MTR: variants seen among roughly 807,000 people sequenced by gnomAD.
MTR encodes the protein methionine synthase.
In MTR, 84 loss-of-function variants were observed where a neutral mutation model predicts 154.8. The observed-to-expected ratio is 0.54, with a 90% confidence interval of 0.45 to 0.65. MTR has a LOEUF of 0.65. Among genes scored for constraint, MTR ranks in the 30% least tolerant of loss-of-function variants. The probability of loss-of-function intolerance (pLI) is 0.00; values close to 1 mark genes in which losing one functional copy is unlikely to be tolerated. For synonymous variants in MTR, 554 were observed against 553.9 expected (o/e 1.00, Z 0.00); for missense variants, 1,275 against 1,570.2 (o/e 0.81, Z 3.18).
chr1:236,886,210 T>C (rs1666001306), intron 26 of MTR, 82 bp from the exon 27 acceptor site: 2 of 1,108,810 alleles, frequency 1.8e-6, no homozygotes, highest in Non-Finnish European at 2.7e-6. Flanking sequence ...AAAGCTTACA[T>C]ACTGGCCTTC....
intron 16 of MTR, among the ~76,000 whole-genome samples, chr1:236,851,126 C>A (rs10925249): frequency 0.43 from 64,696 of 151,868 alleles, 13,964 homozygotes; most frequent in East Asian, 0.46. Context: ...TTATTTGTGA[C>A]CCCAAAATCA....
intron 22 of MTR, among the ~76,000 whole-genome samples, chr1:236,870,679 A>C (rs1307467000): frequency 6.6e-6 from 1 of 151,862 alleles, no homozygotes. Context: ...TCCACTGTGG[A>C]TCTCTCCCCC....
rs888964648 is a variant in MTR, at chr1:236,903,938, G to T, written c.*6294G>T. On this transcript the variant is annotated 3_prime_UTR_variant, in exon 33 of 33. Coordinates refer to ENST00000366577, the MANE Select transcript of MTR (RefSeq NM_000254.3). Reference sequence around the variant, plus strand: ...CAATAAAATATATAAAATCGAGTTGGTATATAGTGCCAAATACCATTAATT... The same window carrying T: ...CAATAAAATATATAAAATCGAGTTGTTATATAGTGCCAAATACCATTAATT... 17 of 152,106 alleles carry T rather than the reference G, an allele frequency of 1.1e-4. No individual in the cohort carries two copies. Among genetic ancestry groups the T allele is most frequent in the Non-Finnish European group, 1.5e-4 (10 of 68,020 alleles). 9.4% of individuals were successfully genotyped at this position (152,106 alleles called of 1,614,324 possible).
intron 8 of MTR, chr1:236,820,358 G>C (rs1033284792): frequency 3.9e-6 from 3 of 764,470 alleles, no homozygotes; most frequent in Admixed American, 1.7e-5. Flanking sequence ...ACTGCTACTC[G>C]GCCTGAGGTT....
chr1:236,806,394 G>T (rs902177943), intron 3 of MTR, among the ~76,000 whole-genome samples, 161 bp downstream of exon 3: 2 of 152,168 alleles, frequency 1.3e-5, no homozygotes, highest in African/African-American at 4.8e-5. Context: ...CTTCCAGCTT[G>T]TGAACACAGT....
In MTR at chr1:236,838,479, G is replaced by A. The variant is rs372015549; in HGVS notation, c.1395G>A (p.Gly465=). 3.8e-5 allele frequency: 62 copies of A among 1,614,026 alleles called. No homozygotes were observed. Among genetic ancestry groups the A allele is most frequent in the Middle Eastern group, 3.3e-4 (2 of 6,084 alleles). ...AAGCTGGGTTAAAGTGCTGCCAAGG[G>A]AAGTGCATTGTCAATAGCATTAGTC... The part of the protein sequence containing the change: ...VIEAGLKCCQ[G]KCIVNSISLK... The change falls in exon 15 of 33, where the codon GGG becomes GGA. Residue 465 remains glycine (G), a synonymous_variant. Transcript: ENST00000366577.
At chr1:236,890,154 G>T (rs1218480267) in intron 28 of MTR, among the ~76,000 whole-genome samples, 1 of 144,886 alleles carries the variant, frequency 6.9e-6, no homozygotes, top group Non-Finnish European at 1.6e-5. Context: ...CCACGGGGGG[G>T]CGTGCCTGGG....
At chr1:236,860,082 C>G (rs1372602089) in intron 19 of MTR, among the ~76,000 whole-genome samples, 160 bp downstream of exon 19, 1 of 104,846 alleles carries the variant, frequency 9.5e-6, no homozygotes, top group African/African-American at 3.6e-5. Flanking sequence ...CCCCCCCCCC[C>G]CCCCCCCCAC....
Position 236,863,530 on chromosome 1 carries a change from T to A in MTR, c.2381T>A (p.Val794Glu). ...VHDIGKNIVG[V>E]VLGCNNFRVI... Reference sequence around the variant, plus strand: ...GACATAGGCAAGAACATAGTTGGAGTAGTCCTTGGCTGCAATAATTTCCGG... The same window carrying A: ...GACATAGGCAAGAACATAGTTGGAGAAGTCCTTGGCTGCAATAATTTCCGG... The change falls in exon 22 of 33, where the codon GTA becomes GAA. Residue 794 changes from valine to glutamate, a missense_variant. Coordinates refer to ENST00000366577, the MANE Select transcript of MTR (RefSeq NM_000254.3). 1.4e-5 allele frequency: 22 copies of A among 1,613,998 alleles called. No individual in the cohort carries two copies. Among genetic ancestry groups the A allele is most frequent in the Non-Finnish European group, 1.9e-5 (22 of 1,179,942 alleles).
In MTR at chr1:236,825,374, C is replaced by G; in HGVS notation, c.902C>G (p.Pro301Arg). 6 of 1,613,742 alleles carry G rather than the reference C, an allele frequency of 3.7e-6. No individual in the cohort carries two copies. The highest frequency in any genetic ancestry group is 5.1e-6 in the Non-Finnish European group (6 of 1,179,754). Reference sequence around the variant, plus strand: ...ACCTTTGGTGACTATGATGAAACGCCTTCTATGATGGCCAAGCACCTAAAG... The same window carrying G: ...ACCTTTGGTGACTATGATGAAACGCGTTCTATGATGGCCAAGCACCTAAAG... ...PNTFGDYDET[P>R]SMMAKHLKDF... The change falls in exon 10 of 33, where the codon CCT becomes CGT. Residue 301 changes from proline to arginine, a missense_variant. Pro to Arg is a moderately radical substitution (Grantham distance 103). Transcript: ENST00000366577.
intron 1 of MTR, among the ~76,000 whole-genome samples, chr1:236,800,678 A>G (rs1660654403): frequency 6.6e-6 from 1 of 152,208 alleles, no homozygotes; most frequent in Non-Finnish European, 1.5e-5. Context: ...GCTTTGTAAT[A>G]TATAGAACAC....
intron 27 of MTR, among the ~76,000 whole-genome samples, chr1:236,888,644 TGAG>T (rs1393381225): frequency 1.3e-5 from 2 of 152,178 alleles, no homozygotes; most frequent in Non-Finnish European, 2.9e-5. Context: ...GATTATGTAT[TGAG>T]GAGTATGTAT....
In MTR at chr1:236,898,975, G is replaced by C. The variant is rs2147970756; in HGVS notation, c.*1331G>C. 6.6e-6 allele frequency: 1 copy of C among 152,322 alleles called. No homozygotes were observed. The highest frequency in any genetic ancestry group is 1.5e-5 in the Non-Finnish European group (1 of 68,034). 9.4% of individuals were successfully genotyped at this position (152,322 alleles called of 1,614,324 possible). On this transcript the variant is annotated 3_prime_UTR_variant, in exon 33 of 33. Coordinates refer to ENST00000366577, the MANE Select transcript of MTR (RefSeq NM_000254.3). Reference sequence around the variant, plus strand: ...AAAATATACACTCATCCTACTTCAAGATGGTGGTGGCAATAGTCAGGAGAA... The same window carrying C: ...AAAATATACACTCATCCTACTTCAACATGGTGGTGGCAATAGTCAGGAGAA...
chr1:236,876,400 C>G (rs1258979829), intron 24 of MTR, among the ~76,000 whole-genome samples: 1 of 152,016 alleles, frequency 6.6e-6, no homozygotes, highest in Non-Finnish European at 1.5e-5. Flanking sequence ...ATATGGCCAC[C>G]CATTAATAAT....
chr1:236,808,237 A>G (rs1661094835), intron 3 of MTR, among the ~76,000 whole-genome samples: 1 of 152,200 alleles, frequency 6.6e-6, no homozygotes, highest in Admixed American at 6.5e-5. Context: ...ATAATATGCA[A>G]AAAGTTCAGA....
chr1:236,815,807 C>T (rs1661559195), intron 7 of MTR, 144 bp downstream of exon 7: 3 of 802,588 alleles, frequency 3.7e-6, no homozygotes, highest in African/African-American at 1.7e-5. Flanking sequence ...ACTTCCCTTC[C>T]ACCACTTCTG....
At chr1:236,797,027 A>T (rs925352461) in intron 1 of MTR, among the ~76,000 whole-genome samples, 9 of 152,154 alleles carry the variant, frequency 5.9e-5, no homozygotes, top group Admixed American at 1.3e-4. Context: ...TTAAAAAAAA[A>T]AAATAAACTG....
chr1:236,838,404 C>T lies in MTR; in HGVS notation c.1330-10C>T, dbSNP rs560480104. On this transcript the variant is annotated splice_polypyrimidine_tract_variant and intron_variant, in intron 14 of 32. Coordinates refer to ENST00000366577, the MANE Select transcript of MTR (RefSeq NM_000254.3). ...GCCTCTGTGTGATTTTCTTGCCTTT[C>T]TGATCTCAGGTACCTTTGTGCATCG... 3 of 1,614,086 alleles carry T rather than the reference C, an allele frequency of 1.9e-6. No homozygotes were observed. The South Asian group carries it at 3.3e-5, about 18-fold the overall frequency.
chr1:236,892,776 A>G (rs926422383), intron 29 of MTR, among the ~76,000 whole-genome samples: 18 of 152,166 alleles, frequency 1.2e-4, no homozygotes, highest in Non-Finnish European at 2.4e-4. Context: ...TTTTACAGAC[A>G]TAACTGTTCA....
Sources: allele counts gnomAD v4.1 joint callset (sites outside exome capture counted in the v4.1 genomes callset), GRCh38; gene constraint gnomAD v4.1.1; transcripts MANE v1.5; gene names NCBI Gene and HGNC (gene_info 2026-07-23, HGNC 2026-07-21).